The following BCAS3 variants were observed in gnomAD, a reference collection of about 807,000 sequenced individuals.
BCAS3 encodes the protein BCAS4/BCAS3 fusion.
Under a neutral mutation model 116.1 loss-of-function variants are expected in BCAS3, and 53 were observed. The ratio of observed to expected loss-of-function variants is 0.46; its 90% confidence interval spans 0.37 to 0.57. The LOEUF is 0.57. Ranked by LOEUF, BCAS3 falls within the 20% of genes least tolerant of loss-of-function variation. The pLI is 0.00. For synonymous variants in BCAS3, 391 were observed against 408.2 expected (o/e 0.96, Z 0.51); for missense variants, 917 against 1,165.4 (o/e 0.79, Z 3.10).
Position 61,077,551 on chromosome 17 carries a change from T to C in BCAS3, c.2131-782T>C, listed in dbSNP as rs995079944. On this transcript the variant is annotated intron_variant, in intron 20 of 23. Coordinates refer to ENST00000407086, the MANE Select transcript of BCAS3 (RefSeq NM_017679.5). This position sits in a 1 kb window ranked among gnomAD's most constrained non-coding sequence, Gnocchi z 4.3. Reference sequence around the variant, plus strand: ...ATGAAATAAAATAAATAAAATAAAATATTGGCAACATTCCCTATCCCCCCC... The same window carrying C: ...ATGAAATAAAATAAATAAAATAAAACATTGGCAACATTCCCTATCCCCCCC... Among the ~76,000 whole-genome samples, 3 of 151,846 alleles carry C rather than the reference T, an allele frequency of 2.0e-5. No individual in the cohort carries two copies. The highest frequency in any genetic ancestry group is 7.3e-5 in the African/African-American group (3 of 41,358).
chr17:61,039,104 T>C (rs374273856), intron 18 of BCAS3, among the ~76,000 whole-genome samples: 1 of 152,238 alleles, frequency 6.6e-6, no homozygotes, highest in African/African-American at 2.4e-5. Flanking sequence ...CTCCTTATTT[T>C]TCTCCAACCC....
At chr17:61,148,820 G>A (rs548376085) in intron 22 of BCAS3, among the ~76,000 whole-genome samples, 19 of 152,296 alleles carry the variant, frequency 1.2e-4, no homozygotes, top group African/African-American at 4.1e-4. Flanking sequence ...TCATGAAGGT[G>A]GTACTGTTGG....
chr17:61,042,891 CAAAAAA>C (rs35629825), intron 19 of BCAS3, among the ~76,000 whole-genome samples: 1 of 58,318 alleles, frequency 1.7e-5, no homozygotes. Context: ...CTCCATCTCA[CAAAAAA>C]AAAAAAAAAA....
intron 4 of BCAS3, among the ~76,000 whole-genome samples, chr17:60,699,053 G>A (rs191374447): frequency 1.0e-3 from 155 of 152,088 alleles, no homozygotes; most frequent in African/African-American, 3.5e-3. Context: ...GCGAGACTCC[G>A]TCTCAAAGAA....
At chr17:61,121,942 C>T (rs1250863861) in intron 22 of BCAS3, among the ~76,000 whole-genome samples, 1 of 152,142 alleles carries the variant, frequency 6.6e-6, no homozygotes, top group Non-Finnish European at 1.5e-5. Context: ...CTTGGTCAGG[C>T]TGGTCTTGAA....
At position 61,290,875 on chromosome 17, in the gene BCAS3, G is replaced by A. The variant is rs917016262; in HGVS notation, c.2426-77452G>A. On this transcript the variant is annotated intron_variant, in intron 22 of 23. Coordinates refer to ENST00000407086, the MANE Select transcript of BCAS3 (RefSeq NM_017679.5). ...GGCTCACTGTGAGCTCCGCCTCCCGGGTTCATGCCATTCTCCTGCCTCAGC... is the reference window on the plus strand; with the variant it reads ...GGCTCACTGTGAGCTCCGCCTCCCGAGTTCATGCCATTCTCCTGCCTCAGC... 7.9e-5 allele frequency among the ~76,000 whole-genome samples: 12 copies of A among 152,228 alleles called. No individual in the cohort carries two copies. In the East Asian group the frequency reaches 1.5e-3, roughly 20 times the overall value.
At chr17:61,312,223 C>T (rs575995430) in intron 22 of BCAS3, among the ~76,000 whole-genome samples, 1 of 152,254 alleles carries the variant, frequency 6.6e-6, no homozygotes, top group Non-Finnish European at 1.5e-5. Flanking sequence ...GCATGTTGTG[C>T]TTATTTGCTC....
intron 22 of BCAS3, among the ~76,000 whole-genome samples, chr17:61,260,963 T>C (rs773988581): frequency 2.4e-4 from 36 of 152,208 alleles, no homozygotes; most frequent in Non-Finnish European, 3.7e-4. Flanking sequence ...TAGTTGGAAC[T>C]ATTTTATTAT....
At chr17:60,854,367 A>G (rs1365774279) in intron 7 of BCAS3, among the ~76,000 whole-genome samples, 1 of 152,166 alleles carries the variant, frequency 6.6e-6, no homozygotes, top group Non-Finnish European at 1.5e-5. Context: ...ATACGTGTGC[A>G]TGTGTCTTTA....
chr17:61,148,545 T>C (rs941036702), intron 22 of BCAS3, among the ~76,000 whole-genome samples: 3 of 152,236 alleles, frequency 2.0e-5, no homozygotes, highest in Non-Finnish European at 4.4e-5. Flanking sequence ...ACTTTCCATT[T>C]AGTCAAAAGA....
chr17:60,968,786 A>G (rs1425235412), intron 14 of BCAS3, among the ~76,000 whole-genome samples: 1 of 152,134 alleles, frequency 6.6e-6, no homozygotes, highest in Non-Finnish European at 1.5e-5. Flanking sequence ...CCTTTGGCCA[A>G]GTAATGGAAC....
intron 11 of BCAS3, 73 bp from the exon 12 acceptor site, chr17:60,910,459 T>C: frequency 8.2e-7 from 1 of 1,224,974 alleles, no homozygotes; most frequent in South Asian, 1.9e-5. Context: ...TTAGGAAAAT[T>C]AATAAAATGC....
chr17:61,310,227 G>C (rs2054189774), intron 22 of BCAS3, among the ~76,000 whole-genome samples: 2 of 152,112 alleles, frequency 1.3e-5, no homozygotes, highest in African/African-American at 4.8e-5. Flanking sequence ...CTAACCCCAA[G>C]GATCCTTTGA....
chr17:61,185,941 CTAAGAAAATACAAAATA>C lies in BCAS3; in HGVS notation c.2425+101390_2425+101406del, dbSNP rs764325382. 7.9e-5 allele frequency among the ~76,000 whole-genome samples: 12 copies of C among 152,190 alleles called. 1 individual carries two copies. The highest frequency in any genetic ancestry group is 2.6e-4 in the Admixed American group (4 of 15,292). ...CTTATCCTCAAGTTGAAAATACTGA[CTAAGAAAATACAAAATA>C]TAAGAAAATACACAATTCACACTTG... On this transcript the variant is annotated intron_variant, in intron 22 of 23. Coordinates refer to ENST00000407086, the MANE Select transcript of BCAS3 (RefSeq NM_017679.5).
In BCAS3 at chr17:61,368,129, G is replaced by C. The variant is rs143374795; in HGVS notation, c.2426-198G>C. On this transcript the variant is annotated intron_variant, in intron 22 of 23. Transcript: ENST00000407086. This position sits in a 1 kb window ranked among gnomAD's most constrained non-coding sequence, Gnocchi z 6.0. ...AACCACCAGCCTCAGTGTCACGGAAGTCACTCCAGAGGTCTGCACTCTCTC... is the reference window on the plus strand; with the variant it reads ...AACCACCAGCCTCAGTGTCACGGAACTCACTCCAGAGGTCTGCACTCTCTC... The C allele has an allele frequency of 6.1e-4, 275 of 447,666 alleles. 1 individual carries two copies. The highest frequency in any genetic ancestry group is 4.8e-3 in the African/African-American group (246 of 51,248). 27.7% of individuals were successfully genotyped at this position (447,666 alleles called of 1,614,324 possible). A position where few individuals can be genotyped will look rare whatever the true frequency, so the allele number is the denominator to read the frequency against.
chr17:60,711,123 A>G (rs1218412656), intron 5 of BCAS3, among the ~76,000 whole-genome samples: 3 of 150,632 alleles, frequency 2.0e-5, no homozygotes, highest in Non-Finnish European at 4.4e-5. Context: ...TATAATTATC[A>G]TATTATTAAG....
rs1344239906 is a variant in BCAS3, at chr17:61,051,521, A to G, written c.2029+10629A>G. The stretch of plus-strand genomic sequence containing the variant: ...TCAATGGTGATTTTCTGATTTTGCA[A>G]CTGAGTGAAAGGTACACAGAGTATC... On this transcript the variant is annotated intron_variant, in intron 19 of 23. Coordinates refer to ENST00000407086, the MANE Select transcript of BCAS3 (RefSeq NM_017679.5). The surrounding 1 kb of genome is among the most constrained non-coding windows in gnomAD (Gnocchi z 4.1). Among the ~76,000 whole-genome samples, 1 of 152,236 alleles carries G rather than the reference A, an allele frequency of 6.6e-6. No homozygotes were observed. Among genetic ancestry groups the G allele is most frequent in the Non-Finnish European group, 1.5e-5 (1 of 68,042 alleles).
chr17:61,344,195 CTT>C lies in BCAS3; in HGVS notation c.2426-24130_2426-24129del, dbSNP rs1230306005. 3.9e-5 allele frequency among the ~76,000 whole-genome samples: 6 copies of C among 152,014 alleles called. No homozygotes were observed. The highest frequency in any genetic ancestry group is 7.4e-5 in the Non-Finnish European group (5 of 68,010). Reference sequence around the variant, plus strand: ...TAAGGAGGCGGAATATGCAAACCCTCTTTGCTTAGGAGAACCTGAGTTCACCT... The same window carrying C: ...TAAGGAGGCGGAATATGCAAACCCTCTGCTTAGGAGAACCTGAGTTCACCT... On this transcript the variant is annotated intron_variant, in intron 22 of 23. Coordinates refer to ENST00000407086, the MANE Select transcript of BCAS3 (RefSeq NM_017679.5). This position sits in a 1 kb window ranked among gnomAD's most constrained non-coding sequence, Gnocchi z 4.1.
chr17:60,905,358 A>G (rs970167553), intron 11 of BCAS3, among the ~76,000 whole-genome samples: 4 of 152,238 alleles, frequency 2.6e-5, no homozygotes, highest in Admixed American at 2.6e-4. Context: ...GGAGAAAATT[A>G]TATGCTTATC....
Sources: gnomAD v4.1 joint callset for allele counts (sites outside exome capture counted in the v4.1 genomes callset) on GRCh38, gnomAD v4.1.1 for gene constraint, Gnocchi (gnomAD v3.1) non-coding constraint, MANE v1.5 for transcripts, NCBI Gene and HGNC (gene_info 2026-07-23, HGNC 2026-07-21) for gene names.